The following CNTN6 variants were observed in gnomAD, a reference collection of about 807,000 sequenced individuals.
CNTN6 encodes the protein contactin 6.
CNTN6 carries 137 observed loss-of-function variants against 122.8 expected under a neutral mutation model. The observed-to-expected ratio is 1.12, with a 90% CI of 0.97 to 1.29. CNTN6 has a LOEUF of 1.29. Ranked by LOEUF, CNTN6 falls within the 50% of genes most tolerant of loss-of-function variation. The pLI, the probability that CNTN6 is intolerant of heterozygous loss-of-function variation, is 0.00. For missense variants in CNTN6, 1,634 were observed against 1,223.4 expected (o/e 1.34, Z -5.01); for synonymous variants, 570 against 426.0 (o/e 1.34, Z -4.16).
At chr3:1,222,888 G>C (rs544113688) in intron 3 of CNTN6, among the ~76,000 whole-genome samples, 1 of 152,124 alleles carries the variant, frequency 6.6e-6, no homozygotes, top group East Asian at 1.9e-4. Flanking sequence ...CCCAGTCGTT[G>C]TTCCCCTTAC....
At chr3:1,387,793 G>A (rs1699627302) in intron 20 of CNTN6, among the ~76,000 whole-genome samples, 1 of 152,188 alleles carries the variant, frequency 6.6e-6, no homozygotes, top group Non-Finnish European at 1.5e-5. Flanking sequence ...GTCAAAGAAA[G>A]GGGTGACGGA....
At chr3:1,276,983 G>A (rs1382622129) in intron 4 of CNTN6, among the ~76,000 whole-genome samples, 1 of 152,124 alleles carries the variant, frequency 6.6e-6, no homozygotes, top group South Asian at 2.1e-4. Context: ...AGGTGGATCA[G>A]GAACATCAAA....
intron 4 of CNTN6, among the ~76,000 whole-genome samples, chr3:1,269,589 C>T (rs78844517): frequency 6.6e-6 from 1 of 152,160 alleles, no homozygotes; most frequent in Non-Finnish European, 1.5e-5. Flanking sequence ...ACTGTTCTTA[C>T]CACCATTTGT....
At chr3:1,179,458 C>G (rs993628751) in intron 2 of CNTN6, among the ~76,000 whole-genome samples, 1 of 152,096 alleles carries the variant, frequency 6.6e-6, no homozygotes, top group East Asian at 1.9e-4. Flanking sequence ...TCTAATTAAG[C>G]CTTGGTTTTA....
chr3:1,396,925 G>C (rs1038604669), intron 20 of CNTN6, among the ~76,000 whole-genome samples: 1 of 152,220 alleles, frequency 6.6e-6, no homozygotes, highest in African/African-American at 2.4e-5. Flanking sequence ...ATTCAGCACT[G>C]TCACTGTCTA....
At chr3:1,232,529 C>G (rs1449552338) in intron 4 of CNTN6, among the ~76,000 whole-genome samples, 1 of 152,220 alleles carries the variant, frequency 6.6e-6, no homozygotes, top group Admixed American at 6.5e-5. Context: ...GTTCCAAACT[C>G]TTTATGTAAA....
rs891297184 is a variant in CNTN6 at position 1,372,365 on chromosome 3, C to T, written c.1559C>T (p.Pro520Leu). The change falls in exon 13 of 23, where the codon CCA becomes CTA. Residue 520 changes from proline to leucine, a missense_variant. Coordinates refer to ENST00000446702, the MANE Select transcript of CNTN6 (RefSeq NM_001289080.2). ...ACAGTTGGCGAGAGTATAGTGCTACCATGCCAGGTGTCCCATGACCCCTCC... is the reference window on the plus strand; with the variant it reads ...ACAGTTGGCGAGAGTATAGTGCTACTATGCCAGGTGTCCCATGACCCCTCC... ...DVTVGESIVL[P>L]CQVSHDPSIE... is the part of the protein sequence containing the mutation. 1 of 1,613,506 alleles carries T rather than the reference C, an allele frequency of 6.2e-7. No individual in the cohort carries two copies. Among genetic ancestry groups the T allele is most frequent in the Non-Finnish European group, 8.5e-7 (1 of 1,179,636 alleles).
chr3:1,155,789 G>T (rs2092948608), intron 2 of CNTN6, among the ~76,000 whole-genome samples: 1 of 145,350 alleles, frequency 6.9e-6, no homozygotes. Context: ...ATCCACCATT[G>T]CCTCTCCCCC....
At chr3:1,215,743 A>G (rs2094121268) in intron 2 of CNTN6, among the ~76,000 whole-genome samples, 1 of 151,922 alleles carries the variant, frequency 6.6e-6, no homozygotes, top group African/African-American at 2.4e-5. Context: ...TTCTTTTCAT[A>G]TTGTTCATGC....
intron 1 of CNTN6, among the ~76,000 whole-genome samples, chr3:1,129,619 G>T (rs2092280214): frequency 1.3e-5 from 2 of 152,042 alleles, no homozygotes; most frequent in Non-Finnish European, 1.5e-5. Context: ...AATGTGCAAT[G>T]AATTCTAATA....
At chr3:1,385,261 G>A (rs1692693593) in intron 19 of CNTN6, among the ~76,000 whole-genome samples, 1 of 151,886 alleles carries the variant, frequency 6.6e-6, no homozygotes, top group South Asian at 2.1e-4. Flanking sequence ...ACATTATAAT[G>A]AAAGTCTTTG....
At chr3:1,385,886 A>ATTTC (rs1692824380) in intron 20 of CNTN6, 89 bp downstream of exon 20, 1 of 1,223,680 alleles carries the variant, frequency 8.2e-7, no homozygotes, top group South Asian at 1.7e-5. Context: ...CCCACACCTC[A>ATTTC]TTTCTTTACT....
In CNTN6 at chr3:1,204,864, T is replaced by C. The variant is rs913042899; in HGVS notation, c.56-15823T>C. Among the ~76,000 whole-genome samples the C allele has an allele frequency of 3.9e-5, 6 of 152,102 alleles. No individual in the cohort carries two copies. The South Asian group carries it at 8.3e-4, about 21-fold the overall frequency. On this transcript the variant is annotated intron_variant, in intron 2 of 22. Transcript: ENST00000446702. Reference sequence around the variant, plus strand: ...TCTCCTGTTTTGGCCTCCCATATGATGGATGGGGTAGGCAGAATAATGGCC... The same window carrying C: ...TCTCCTGTTTTGGCCTCCCATATGACGGATGGGGTAGGCAGAATAATGGCC...
At chr3:1,145,776 A>C (rs754550950) in intron 1 of CNTN6, among the ~76,000 whole-genome samples, 24 of 152,170 alleles carry the variant, frequency 1.6e-4, no homozygotes, top group Non-Finnish European at 3.1e-4. Flanking sequence ...CTAGATTGGA[A>C]ATATTTAGTA....
chr3:1,263,504 G>A (rs989546704), intron 4 of CNTN6, among the ~76,000 whole-genome samples: 19 of 152,188 alleles, frequency 1.2e-4, no homozygotes, highest in South Asian at 6.2e-4. Context: ...ATTCGGGGCC[G>A]TTTTGCAGCC....
At chr3:1,346,200 A>G (rs1317018047) in intron 11 of CNTN6, among the ~76,000 whole-genome samples, 1 of 152,170 alleles carries the variant, frequency 6.6e-6, no homozygotes, top group Non-Finnish European at 1.5e-5. Context: ...AAAGGATGTG[A>G]ATGTTAATCT....
At chr3:1,111,403 T>C (rs1421016305) in intron 1 of CNTN6, among the ~76,000 whole-genome samples, 1 of 152,186 alleles carries the variant, frequency 6.6e-6, no homozygotes, top group Admixed American at 6.5e-5. Flanking sequence ...TGTGGTATCA[T>C]TCCCCATCTT....
intron 11 of CNTN6, among the ~76,000 whole-genome samples, chr3:1,332,255 C>T (rs1166834178): frequency 1.3e-5 from 2 of 151,952 alleles, no homozygotes; most frequent in Non-Finnish European, 2.9e-5. Flanking sequence ...AAAGGTCACA[C>T]AGTTAACTCC....
intron 1 of CNTN6, among the ~76,000 whole-genome samples, chr3:1,116,838 G>A (rs765127969): frequency 6.6e-6 from 1 of 151,820 alleles, no homozygotes; most frequent in Non-Finnish European, 1.5e-5. Flanking sequence ...CCGAGTAGCT[G>A]GGATTACAGG....
Sources: allele counts gnomAD v4.1 joint callset (sites outside exome capture counted in the v4.1 genomes callset), GRCh38; gene constraint gnomAD v4.1.1; transcripts MANE v1.5; gene names NCBI Gene and HGNC (gene_info 2026-07-23, HGNC 2026-07-21).